NR1H2: variants seen among roughly 807,000 people sequenced by gnomAD.
NR1H2 encodes oxysterols receptor LXR-beta.
A neutral mutation model predicts 51.2 loss-of-function variants in NR1H2; 33 were observed. The ratio of observed to expected loss-of-function variants is 0.64; its 90% CI spans 0.49 to 0.86. The LOEUF (loss-of-function observed/expected upper bound fraction) is 0.86. NR1H2 is among the 40% of genes least tolerant of loss of function. The pLI, the probability that NR1H2 is intolerant of heterozygous loss-of-function variation, is 0.00. For missense variants in NR1H2, 592 were observed against 639.9 expected, an observed-to-expected ratio of 0.93 and a Z score of 0.81; for synonymous variants, 310 against 264.3, an observed-to-expected ratio of 1.17 and a Z score of -1.68.
At chr19:50,379,688 G>A (rs2037734346) in intron 7 of NR1H2, 92 bp from the exon 8 acceptor site, 1 of 791,772 alleles carries the variant, frequency 1.3e-6, no homozygotes, top group Admixed American at 1.9e-5. Context: ...GATAATCCTG[G>A]TGAGATTAGA....
chr19:50,379,680 T>G lies in NR1H2; in HGVS notation c.928-100T>G, dbSNP rs1043788210. The G allele has an allele frequency of 5.3e-6, 4 of 761,344 alleles. No individual in the cohort carries two copies. In the African/African-American group the frequency reaches 6.8e-5, roughly 13 times the overall value. The allele number at this position is 761,344 out of a possible 1,614,324, so 47.2% of individuals were successfully genotyped here. A position where few individuals can be genotyped will look rare whatever the true frequency, so the allele number is the denominator to read the frequency against. On this transcript the variant is annotated intron_variant, in intron 7 of 9. Coordinates refer to ENST00000253727, the MANE Select transcript of NR1H2 (RefSeq NM_007121.7). ...GAACAGGGGGGAAGGGGACAAGGGA[T>G]AATCCTGGTGAGATTAGACCCCCAT...
Position 50,379,817 on chromosome 19 carries a change from A to G in NR1H2, c.965A>G (p.Glu322Gly). ...GAGACAGCCAGGCGCTACAACCACG[A>G]GACAGAGTGTATCACCTTCTTGAAG... ...LLETARRYNH[E>G]TECITFLKDF... is the part of the protein sequence containing the mutation. The change falls in exon 8 of 10, where the codon GAG becomes GGG. Residue 322 changes from glutamate (E) to glycine (G), a missense_variant. Around this residue, in one of 3 missense-constraint regions of NR1H2, gnomAD observed 102 missense variants for 152.4 expected, o/e 0.67. Transcript: ENST00000253727. The G allele has an allele frequency of 6.2e-7, 1 of 1,614,098 alleles. No individual in the cohort carries two copies. Among genetic ancestry groups the G allele is most frequent in the Non-Finnish European group, 8.5e-7 (1 of 1,179,964 alleles).
In NR1H2 at chr19:50,376,590, A is replaced by G. The variant is rs2037666178; in HGVS notation, c.-128+14A>G. On this transcript the variant is annotated intron_variant, in intron 1 of 9. Coordinates refer to ENST00000253727, the MANE Select transcript of NR1H2 (RefSeq NM_007121.7). ...AAGGGAACCCAGGTAGGTGCACCCG[A>G]GAGTGGGGAGACGCAGGAGGAGCCC... 6.6e-6 allele frequency: 1 copy of G among 152,328 alleles called. No homozygotes were observed. Among genetic ancestry groups the G allele is most frequent in the South Asian group, 2.1e-4 (1 of 4,844 alleles). 9.4% of individuals were successfully genotyped at this position (152,328 alleles called of 1,614,324 possible).
At chr19:50,382,237 A>G (rs976923403) in intron 9 of NR1H2, 63 bp downstream of exon 9, 5 of 1,443,556 alleles carry the variant, frequency 3.5e-6, no homozygotes, top group South Asian at 2.8e-5. Flanking sequence ...TGGTCCGTTC[A>G]GGCTGGGTTC....
In NR1H2 at chr19:50,382,701, G is replaced by A. The variant is rs753520871; in HGVS notation, c.*99G>A. 8 of 1,298,112 alleles carry A rather than the reference G, an allele frequency of 6.2e-6. No homozygotes were observed. The highest frequency in any genetic ancestry group is 1.4e-5 in the South Asian group (1 of 69,660). 80.4% of individuals were successfully genotyped at this position (1,298,112 alleles called of 1,614,324 possible). A position where few individuals can be genotyped will look rare whatever the true frequency, so the allele number is the denominator to read the frequency against. Reference sequence around the variant, plus strand: ...CCTAGGGTGGAAGGGGCCCTGGGCCGAGCCTGTAGACCTATCGGCTCTCAT... The same window carrying A: ...CCTAGGGTGGAAGGGGCCCTGGGCCAAGCCTGTAGACCTATCGGCTCTCAT... On this transcript the variant is annotated 3_prime_UTR_variant, in exon 10 of 10. Transcript: ENST00000253727.
chr19:50,377,011 A>G (rs1601137838), intron 2 of NR1H2, among the ~76,000 whole-genome samples, 185 bp downstream of exon 2: 1 of 11,168 alleles, frequency 9.0e-5, no homozygotes. Flanking sequence ...GGAAGGGAGG[A>G]GGCGGGGCGG....
chr19:50,381,898 C>T (rs915462401), intron 8 of NR1H2, 68 bp from the exon 9 acceptor site: 28 of 1,341,404 alleles, frequency 2.1e-5, no homozygotes, highest in East Asian at 1.0e-4. Context: ...CTGTGGGCAG[C>T]GCCAGGGTCC....
chr19:50,380,226 G>A (rs1020212460), intron 8 of NR1H2, among the ~76,000 whole-genome samples: 2 of 152,174 alleles, frequency 1.3e-5, no homozygotes, highest in African/African-American at 4.8e-5. Flanking sequence ...GTTGAGATGG[G>A]AGGAGCCCTG....
chr19:50,378,589 G>T lies in NR1H2; in HGVS notation c.540G>T (p.Gln180His), dbSNP rs1416680115. Residue 180 changes from glutamine to histidine, a missense_variant, in exon 6 of 10, where the codon CAG becomes CAT. This residue lies in a region of NR1H2 where 316 missense variants were observed against 313.4 expected (regional missense o/e 1.01). Transcript: ENST00000253727. ...IRKQQQESQS[Q>H]SQSPVGPQGS... is the part of the protein sequence containing the mutation. ...AACAGCAGCAGGAGTCACAGTCACA[G>T]TCGCAGTCACCTGTGGGGCCGCAGG... The T allele has an allele frequency of 6.2e-7, 1 of 1,613,940 alleles. No individual in the cohort carries two copies. The highest frequency in any genetic ancestry group is 8.5e-7 in the Non-Finnish European group (1 of 1,179,898).
In NR1H2 at chr19:50,379,799, C is replaced by T; in HGVS notation, c.947C>T (p.Ala316Val). ...STIEIMLLETARRYNHETECI... is the reference protein window; with the variant it reads ...STIEIMLLETVRRYNHETECI... The stretch of plus-strand genomic sequence containing the variant: ...CCTTAGATCATGCTGCTAGAGACAG[C>T]CAGGCGCTACAACCACGAGACAGAG... The change falls in exon 8 of 10, where the codon GCC becomes GTC. Residue 316 changes from alanine (A) to valine (V), a missense_variant. Physicochemically the swap from Ala to Val is moderately conservative, Grantham distance 64. Coordinates refer to ENST00000253727, the MANE Select transcript of NR1H2 (RefSeq NM_007121.7). The T allele has an allele frequency of 6.2e-7, 1 of 1,613,574 alleles. No individual in the cohort carries two copies. The highest frequency in any genetic ancestry group is 8.5e-7 in the Non-Finnish European group (1 of 1,179,486).
intron 8 of NR1H2, 80 bp from the exon 9 acceptor site, chr19:50,381,886 G>C (rs1310424119): frequency 1.6e-6 from 2 of 1,217,892 alleles, no homozygotes; most frequent in East Asian, 5.1e-5. Flanking sequence ...CAGCCCCAGA[G>C]ACTGTGGGCA....
rs1365208814 is a variant in NR1H2 at position 50,383,294 on chromosome 19, A to G, written c.*692A>G. Among the ~76,000 whole-genome samples the G allele has an allele frequency of 4.6e-5, 7 of 152,252 alleles. No homozygotes were observed. The highest frequency in any genetic ancestry group is 1.9e-4 in the East Asian group (1 of 5,200). On this transcript the variant is annotated 3_prime_UTR_variant, in exon 10 of 10. Transcript: ENST00000253727. ...AGGGGACCTGGACTTCTGTCCGAACAACAAGTGTTTGCTGAGGCCTCCTGT... is the reference window on the plus strand; with the variant it reads ...AGGGGACCTGGACTTCTGTCCGAACGACAAGTGTTTGCTGAGGCCTCCTGT...
chr19:50,381,921 A>G, intron 8 of NR1H2, 45 bp from the exon 9 acceptor site: 1 of 1,490,458 alleles, frequency 6.7e-7, no homozygotes, highest in Non-Finnish European at 9.1e-7. Context: ...GATGTGGGGC[A>G]CGGTTTCGGG....
intron 8 of NR1H2, among the ~76,000 whole-genome samples, chr19:50,381,742 C>T (rs1395313952): frequency 2.0e-5 from 3 of 152,244 alleles, no homozygotes; most frequent in Non-Finnish European, 4.4e-5. Context: ...GTAGAAAATA[C>T]TGAAGAAACA....
intron 4 of NR1H2, 76 bp downstream of exon 4, chr19:50,377,946 T>C: frequency 6.8e-7 from 1 of 1,478,618 alleles, no homozygotes; most frequent in South Asian, 1.4e-5. Flanking sequence ...GAAATGGGAA[T>C]GGGAGGCCCT....
Position 50,378,712 on chromosome 19 carries a change from G to A in NR1H2, c.663G>A (p.Ala221=), listed in dbSNP as rs779107524. 34 of 1,613,784 alleles carry A rather than the reference G, an allele frequency of 2.1e-5. No individual in the cohort carries two copies. The Middle Eastern group carries it at 1.6e-3, about 78-fold the overall frequency. ...SGEGEGVQLT[A]AQELMIQQLV... is the part of the protein sequence containing the mutation. ...AAGGCGAGGGTGTCCAGCTAACAGCGGCTCAAGAACTAATGATCCAGCAGT... is the reference window on the plus strand; with the variant it reads ...AAGGCGAGGGTGTCCAGCTAACAGCAGCTCAAGAACTAATGATCCAGCAGT... The change falls in exon 6 of 10, where the codon GCG becomes GCA. Residue 221 remains alanine, a synonymous_variant. Transcript: ENST00000253727.
At chr19:50,379,278 G>T in intron 7 of NR1H2, 97 bp downstream of exon 7, 1 of 1,292,940 alleles carries the variant, frequency 7.7e-7, no homozygotes, top group South Asian at 1.4e-5. Context: ...GTTGTAGGAT[G>T]ACATTCCACG....
chr19:50,377,395 CG>C, intron 2 of NR1H2, 191 bp from the exon 3 acceptor site: 1 of 507,144 alleles, frequency 2.0e-6, no homozygotes, highest in Non-Finnish European at 3.4e-6. Flanking sequence ...TGAAGGCTGG[CG>C]TGGAACAGAA....
At chr19:50,379,268 G>A (rs41418649) in intron 7 of NR1H2, 87 bp downstream of exon 7, 9 of 1,366,280 alleles carry the variant, frequency 6.6e-6, no homozygotes, top group East Asian at 4.7e-5. Context: ...AGTGCTTGCC[G>A]TTGTAGGATG....
Sources: allele counts gnomAD v4.1 joint callset (sites outside exome capture counted in the v4.1 genomes callset), GRCh38; gene constraint gnomAD v4.1.1; regional missense constraint gnomAD v4.1.1; transcripts MANE v1.5; gene names NCBI Gene and HGNC (gene_info 2026-07-23, HGNC 2026-07-21).